Variants in FBXL7 observed in about 807,000 individuals in gnomAD.
The protein encoded by FBXL7 is F-box and leucine rich repeat protein 7, also known as F-box/LRR-repeat protein 7.
A neutral mutation model predicts 38.3 loss-of-function variants in FBXL7; 12 were observed. That is an observed-to-expected ratio of 0.31 (90% CI 0.20 to 0.51). The LOEUF (loss-of-function observed/expected upper bound fraction) is 0.51, where lower values mean the gene tolerates loss of function less well. Among genes scored for constraint, FBXL7 ranks in the 20% least tolerant of loss-of-function variants. FBXL7 has a pLI of 0.98. For synonymous variants in FBXL7, 297 were observed against 300.9 expected, an observed-to-expected ratio of 0.99 and a Z score of 0.13; for missense variants, 567 against 676.4, an observed-to-expected ratio of 0.84 and a Z score of 1.79.
chr5:15,829,324 C>T (rs970355824), intron 2 of FBXL7, among the ~76,000 whole-genome samples: 8 of 151,830 alleles, frequency 5.3e-5, no homozygotes, highest in African/African-American at 1.7e-4. Flanking sequence ...GTTTGTTTGC[C>T]GTTAGTCCCT....
At chr5:15,652,214 T>C (rs1288648509) in intron 2 of FBXL7, among the ~76,000 whole-genome samples, 1 of 152,208 alleles carries the variant, frequency 6.6e-6, no homozygotes, top group African/African-American at 2.4e-5. Flanking sequence ...AATTAGGCTA[T>C]TTCACTATCT....
chr5:15,609,967 G>A (rs1019973362), intron 1 of FBXL7, among the ~76,000 whole-genome samples: 2 of 152,148 alleles, frequency 1.3e-5, no homozygotes, highest in Non-Finnish European at 2.9e-5. Flanking sequence ...CACATGGCTG[G>A]GTAGGCCTCA....
At chr5:15,914,161 C>T (rs547885632) in intron 2 of FBXL7, among the ~76,000 whole-genome samples, 2 of 151,920 alleles carry the variant, frequency 1.3e-5, no homozygotes, top group African/African-American at 2.4e-5. Context: ...CCGAGGCGGG[C>T]GGATCTCGAG....
chr5:15,575,111 C>A (rs776445067), intron 1 of FBXL7, among the ~76,000 whole-genome samples: 2 of 152,098 alleles, frequency 1.3e-5, no homozygotes, highest in Non-Finnish European at 2.9e-5. Flanking sequence ...TCCTAAAATA[C>A]ACAGGACAGC....
At chr5:15,611,792 G>A (rs1195893324) in intron 1 of FBXL7, among the ~76,000 whole-genome samples, 2 of 151,428 alleles carry the variant, frequency 1.3e-5, no homozygotes, top group African/African-American at 4.9e-5. Flanking sequence ...AGACCAGCCT[G>A]GGCAACATAA....
intron 2 of FBXL7, among the ~76,000 whole-genome samples, chr5:15,833,295 A>G (rs1484195163): frequency 6.6e-6 from 1 of 152,186 alleles, no homozygotes; most frequent in East Asian, 1.9e-4. Context: ...GTGTCCTCAC[A>G]TGGTGGAAGG....
At chr5:15,677,731 A>G (rs1742710312) in intron 2 of FBXL7, among the ~76,000 whole-genome samples, 1 of 152,166 alleles carries the variant, frequency 6.6e-6, no homozygotes, top group Admixed American at 6.5e-5. Flanking sequence ...ATGTCTCAGG[A>G]TATATCTTAG....
intron 2 of FBXL7, among the ~76,000 whole-genome samples, chr5:15,754,329 A>G (rs1736234567): frequency 2.0e-5 from 3 of 152,196 alleles, no homozygotes; most frequent in Admixed American, 2.0e-4. Context: ...ATTTGAATCA[A>G]TAGAGTCATA....
At chr5:15,589,269 G>C (rs1239032921) in intron 1 of FBXL7, among the ~76,000 whole-genome samples, 2 of 152,064 alleles carry the variant, frequency 1.3e-5, no homozygotes, top group Non-Finnish European at 2.9e-5. Flanking sequence ...ATCTCATGTT[G>C]ATTTGTAATC....
chr5:15,936,983 C>G lies in FBXL7; in HGVS notation c.1273C>G (p.Leu425Val). The G allele has an allele frequency of 6.2e-7, 1 of 1,614,042 alleles. No homozygotes were observed. The highest frequency in any genetic ancestry group is 8.5e-7 in the Non-Finnish European group (1 of 1,179,906). The change falls in exon 4 of 4, where the codon CTG becomes GTG. Residue 425 changes from leucine (L) to valine (V), a missense_variant. Leu to Val is a conservative substitution (Grantham distance 32). Transcript: ENST00000504595. The surrounding 1 kb of genome is among the most constrained non-coding windows in gnomAD (Gnocchi z 6.0). ...VSDTGLECLA[L>V]NCFNLKRLSL... Reference sequence around the variant, plus strand: ...CGACACGGGCCTGGAGTGCCTGGCCCTGAACTGCTTCAACCTCAAGCGGCT... The same window carrying G: ...CGACACGGGCCTGGAGTGCCTGGCCGTGAACTGCTTCAACCTCAAGCGGCT...
chr5:15,873,132 C>T (rs1740040169), intron 2 of FBXL7, among the ~76,000 whole-genome samples: 1 of 152,164 alleles, frequency 6.6e-6, no homozygotes, highest in African/African-American at 2.4e-5. Flanking sequence ...GAAACTCACT[C>T]AAAACTGCAC....
At chr5:15,523,600 T>G (rs981216528) in intron 1 of FBXL7, among the ~76,000 whole-genome samples, 8 of 151,768 alleles carry the variant, frequency 5.3e-5, no homozygotes, top group Admixed American at 2.0e-4. Flanking sequence ...AGGTGAGCAG[T>G]CCGGATTTCA....
At chr5:15,541,360 G>GTA (rs1308418929) in intron 1 of FBXL7, among the ~76,000 whole-genome samples, 1 of 132,080 alleles carries the variant, frequency 7.6e-6, no homozygotes, top group African/African-American at 2.8e-5. Flanking sequence ...CAAACTATAT[G>GTA]TATATATACA....
intron 2 of FBXL7, among the ~76,000 whole-genome samples, chr5:15,919,186 A>C (rs1356173615): frequency 6.6e-6 from 1 of 152,218 alleles, no homozygotes; most frequent in African/African-American, 2.4e-5. Context: ...GAGGGGGAAG[A>C]TGAAGAGGAG....
intron 2 of FBXL7, among the ~76,000 whole-genome samples, chr5:15,832,428 C>T (rs1291988496): frequency 2.0e-5 from 3 of 152,114 alleles, no homozygotes; most frequent in Non-Finnish European, 2.9e-5. Flanking sequence ...TTTGTCAGAC[C>T]TCCGTGTGAA....
chr5:15,739,948 T>G (rs1735852599), intron 2 of FBXL7, among the ~76,000 whole-genome samples: 1 of 152,192 alleles, frequency 6.6e-6, no homozygotes, highest in Admixed American at 6.5e-5. Context: ...ATATTTGTCT[T>G]TTTGAGGAAC....
intron 2 of FBXL7, among the ~76,000 whole-genome samples, chr5:15,899,824 T>A (rs1421227858): frequency 1.3e-5 from 2 of 151,980 alleles, no homozygotes; most frequent in South Asian, 2.1e-4. Context: ...ACAGACTTAT[T>A]ATAAGAATGT....
At chr5:15,502,874 A>G (rs1280067310) in intron 1 of FBXL7, among the ~76,000 whole-genome samples, 1 of 152,222 alleles carries the variant, frequency 6.6e-6, no homozygotes, top group Non-Finnish European at 1.5e-5. Context: ...CCCTAGACAT[A>G]GTATCTTTAT....
Position 15,690,721 on chromosome 5 carries a change from T to C in FBXL7, c.127+74649T>C, listed in dbSNP as rs560643480. Reference sequence around the variant, plus strand: ...GATAAATATTGAATGATCTCACCCATATGTGAAATCTGAAATAGTGGATCT... The same window carrying C: ...GATAAATATTGAATGATCTCACCCACATGTGAAATCTGAAATAGTGGATCT... On this transcript the variant is annotated intron_variant, in intron 2 of 3. Coordinates refer to ENST00000504595, the MANE Select transcript of FBXL7 (RefSeq NM_012304.5). Among the ~76,000 whole-genome samples, 198 of 152,292 alleles carry C rather than the reference T, an allele frequency of 1.3e-3. 1 individual carries two copies. The highest frequency in any genetic ancestry group is 4.1e-3 in the African/African-American group (172 of 41,564).
Sources: allele counts gnomAD v4.1 joint callset (sites outside exome capture counted in the v4.1 genomes callset), GRCh38; gene constraint gnomAD v4.1.1; non-coding constraint Gnocchi (gnomAD v3.1); transcripts MANE v1.5; gene names NCBI Gene and HGNC (gene_info 2026-07-23, HGNC 2026-07-21).